PACSIN1: variants seen among roughly 807,000 people sequenced by gnomAD.
PACSIN1 encodes protein kinase C and casein kinase substrate in neurons 1, also known as protein kinase C and casein kinase substrate in neurons protein 1.
A neutral mutation model predicts 59.5 loss-of-function variants in PACSIN1; 15 were observed. The observed-to-expected ratio is 0.25, with a 90% confidence interval of 0.17 to 0.39. The LOEUF (loss-of-function observed/expected upper bound fraction) is 0.39, where lower values mean the gene tolerates loss of function less well. Ranked by LOEUF, PACSIN1 falls within the 10% of genes least tolerant of loss-of-function variation. The pLI, the probability that PACSIN1 is intolerant of heterozygous loss-of-function variation, is 1.00. For synonymous variants in PACSIN1, 210 were observed against 220.6 expected, an observed-to-expected ratio of 0.95 and a Z score of 0.42; for missense variants, 420 against 580.2, an observed-to-expected ratio of 0.72 and a Z score of 2.84.
At position 34,534,587 on chromosome 6, in the gene PACSIN1, C is replaced by G. The variant is rs557623210; in HGVS notation, c.*2057C>G. On this transcript the variant is annotated 3_prime_UTR_variant, in exon 10 of 10. Transcript: ENST00000244458. The stretch of plus-strand genomic sequence containing the variant: ...CTGCACCTTGGGGCCTGGGCTCCCC[C>G]TCTCTGTGCCAGCGGCTTCCCAGCA... The G allele has an allele frequency of 6.5e-6, 1 of 152,796 alleles. No individual in the cohort carries two copies. The highest frequency in any genetic ancestry group is 2.4e-5 in the African/African-American group (1 of 41,444). The allele number at this position is 152,796 out of a possible 1,614,324, so 9.5% of individuals were successfully genotyped here. A position where few individuals can be genotyped will look rare whatever the true frequency, so the allele number is the denominator to read the frequency against.
At chr6:34,511,853 A>T (rs1767208127) in intron 1 of PACSIN1, among the ~76,000 whole-genome samples, 2 of 152,210 alleles carry the variant, frequency 1.3e-5, no homozygotes, top group African/African-American at 4.8e-5. Flanking sequence ...AGAGGGGGCA[A>T]TGAATGCTGT....
rs1238054898 is a variant in PACSIN1 at position 34,532,515 on chromosome 6, C to T, written c.1320C>T (p.Tyr440=). The change falls in exon 10 of 10, where the codon TAC becomes TAT. Residue 440 remains tyrosine, a synonymous_variant. Transcript: ENST00000244458. The surrounding 1 kb of genome is among the most constrained non-coding windows in gnomAD (Gnocchi z 5.2). The stretch of plus-strand genomic sequence containing the variant: ...AGCTGGGCCTCTACCCTGCCAACTA[C>T]GTGGAGGCTATCTAGAGGCCCCCTC... The part of the protein sequence containing the change: ...SGQLGLYPAN[Y]VEAI 2 of 1,551,440 alleles carry T rather than the reference C, an allele frequency of 1.3e-6. No individual in the cohort carries two copies. The highest frequency in any genetic ancestry group is 1.4e-5 in the African/African-American group (1 of 73,032).
At chr6:34,519,968 G>A (rs1041197511) in intron 1 of PACSIN1, among the ~76,000 whole-genome samples, 1 of 152,090 alleles carries the variant, frequency 6.6e-6, no homozygotes, top group African/African-American at 2.4e-5. Flanking sequence ...GCACCACAGT[G>A]TTGGTGTCAG....
At chr6:34,485,505 G>C (rs1766779990) in intron 1 of PACSIN1, among the ~76,000 whole-genome samples, 1 of 152,174 alleles carries the variant, frequency 6.6e-6, no homozygotes, top group Non-Finnish European at 1.5e-5. Flanking sequence ...CTGAGTTCTT[G>C]GGTGAACAGT....
intron 1 of PACSIN1, among the ~76,000 whole-genome samples, chr6:34,510,383 G>A (rs1242787378): frequency 6.6e-6 from 1 of 152,174 alleles, no homozygotes; most frequent in Non-Finnish European, 1.5e-5. Flanking sequence ...TGGCCTACAA[G>A]GGCCTCTGGG....
At position 34,518,718 on chromosome 6, in the gene PACSIN1, T is replaced by C. The variant is rs145224377; in HGVS notation, c.-63-7525T>C. 1.3e-5 allele frequency among the ~76,000 whole-genome samples: 2 copies of C among 152,348 alleles called. No individual in the cohort carries two copies. Among genetic ancestry groups the C allele is most frequent in the East Asian group, 3.9e-4 (2 of 5,182 alleles). On this transcript the variant is annotated intron_variant, in intron 1 of 9. Transcript: ENST00000244458. The surrounding 1 kb of genome is among the most constrained non-coding windows in gnomAD (Gnocchi z 4.4). ...GGAGCTGGGGTATGTAAACGCCACC[T>C]TCCAGTGGCTCTCCACCACCCTTTG...
chr6:34,482,828 C>T (rs998837902), intron 1 of PACSIN1, among the ~76,000 whole-genome samples: 2 of 151,574 alleles, frequency 1.3e-5, no homozygotes, highest in Admixed American at 6.6e-5. Flanking sequence ...GGATTACAGG[C>T]GCCTGCCGCC....
At chr6:34,490,637 CA>C (rs1279458682) in intron 1 of PACSIN1, among the ~76,000 whole-genome samples, 1 of 152,230 alleles carries the variant, frequency 6.6e-6, no homozygotes, top group Non-Finnish European at 1.5e-5. Context: ...CTCCAACTAG[CA>C]GGTCTTCAGA....
At chr6:34,471,368 T>C (rs1289008172) in intron 1 of PACSIN1, among the ~76,000 whole-genome samples, 3 of 152,218 alleles carry the variant, frequency 2.0e-5, no homozygotes, top group Non-Finnish European at 4.4e-5. Context: ...TGTTTGAAGT[T>C]GACAGTTTTA....
intron 1 of PACSIN1, among the ~76,000 whole-genome samples, chr6:34,484,440 T>C (rs1766763291): frequency 1.3e-5 from 2 of 151,974 alleles, no homozygotes; most frequent in Non-Finnish European, 2.9e-5. Flanking sequence ...TTATCAGAGA[T>C]TGGGGTGGGG....
intron 1 of PACSIN1, among the ~76,000 whole-genome samples, chr6:34,476,263 C>T (rs1252434970): frequency 6.6e-6 from 1 of 152,230 alleles, no homozygotes; most frequent in African/African-American, 2.4e-5. Flanking sequence ...CCTTCACCTT[C>T]ACAGCACCCC....
chr6:34,511,186 A>C (rs1240584436), intron 1 of PACSIN1, among the ~76,000 whole-genome samples: 1 of 152,232 alleles, frequency 6.6e-6, no homozygotes, highest in East Asian at 1.9e-4. Flanking sequence ...ATGCATGAAG[A>C]AACTAGCATG....
chr6:34,482,692 T>TTTG lies in PACSIN1; in HGVS notation c.-64+16424_-64+16425insGTT, dbSNP rs552635696. 7.9e-3 allele frequency among the ~76,000 whole-genome samples: 1,194 copies of TTTG among 151,838 alleles called. 22 individuals are homozygous for TTTG. The highest frequency in any genetic ancestry group is 0.075 in the East Asian group (386 of 5,166). On this transcript the variant is annotated intron_variant, in intron 1 of 9. Transcript: ENST00000244458. Reference sequence around the variant, plus strand: ...TCTATGTTTTTGTTTTTGTTTTTTTTTTTTTGAGACAGAGTCTCACTCTGT... The same window carrying TTTG: ...TCTATGTTTTTGTTTTTGTTTTTTTTTTGTTTTTGAGACAGAGTCTCACTCTGT...
In PACSIN1 at chr6:34,530,277, A is replaced by G. The variant is rs1767567603; in HGVS notation, c.823A>G (p.Ile275Val). 6.2e-7 allele frequency: 1 copy of G among 1,614,088 alleles called. No individual in the cohort carries two copies. Reference sequence around the variant, plus strand: ...TGTGTACCGTGAGCTGGAGCAGGCCATCCGGGGGGCTGATGCCCAGGAAGA... The same window carrying G: ...TGTGTACCGTGAGCTGGAGCAGGCCGTCCGGGGGGCTGATGCCCAGGAAGA... ...IHVYRELEQA[I>V]RGADAQEDLR... The change falls in exon 7 of 10, where the codon ATC becomes GTC. Residue 275 changes from isoleucine to valine, a missense_variant. Physicochemically the swap from Ile to Val is conservative, Grantham distance 29 (BLOSUM62 3). Coordinates refer to ENST00000244458, the MANE Select transcript of PACSIN1 (RefSeq NM_020804.5). The surrounding 1 kb of genome is among the most constrained non-coding windows in gnomAD (Gnocchi z 4.4).
chr6:34,528,112 A>G (rs1215433651), intron 3 of PACSIN1, among the ~76,000 whole-genome samples: 1 of 152,264 alleles, frequency 6.6e-6, no homozygotes, highest in Non-Finnish European at 1.5e-5. Context: ...ATTCTCTTGC[A>G]GTATACTCTA....
At chr6:34,494,835 C>T (rs1180768853) in intron 1 of PACSIN1, among the ~76,000 whole-genome samples, 13 of 152,304 alleles carry the variant, frequency 8.5e-5, no homozygotes, top group Admixed American at 3.3e-4. Flanking sequence ...CCCCAGCTAT[C>T]GGCTGTATAG....
At chr6:34,511,735 C>G (rs771875463) in intron 1 of PACSIN1, among the ~76,000 whole-genome samples, 1 of 152,190 alleles carries the variant, frequency 6.6e-6, no homozygotes, top group African/African-American at 2.4e-5. Flanking sequence ...GGCATTTTGA[C>G]AGTCATGGGA....
intron 1 of PACSIN1, among the ~76,000 whole-genome samples, chr6:34,501,772 C>T (rs1220147631): frequency 1.3e-5 from 2 of 152,144 alleles, no homozygotes; most frequent in African/African-American, 2.4e-5. Context: ...TGGCTCACGC[C>T]TGTAATCCAG....
At chr6:34,476,480 C>T (rs981111411) in intron 1 of PACSIN1, among the ~76,000 whole-genome samples, 6 of 149,982 alleles carry the variant, frequency 4.0e-5, no homozygotes, top group Non-Finnish European at 7.4e-5. Context: ...TCAGCTCCAT[C>T]GGACACTGGG....
Sources: allele counts gnomAD v4.1 joint callset (sites outside exome capture counted in the v4.1 genomes callset), GRCh38; gene constraint gnomAD v4.1.1; non-coding constraint Gnocchi (gnomAD v3.1); transcripts MANE v1.5; gene names NCBI Gene and HGNC (gene_info 2026-07-23, HGNC 2026-07-21).